Variants in GNG7 observed in about 807,000 individuals in gnomAD.
The protein encoded by GNG7 is guanine nucleotide-binding protein G(I)/G(S)/G(O) subunit gamma-7.
GNG7 carries 1 observed loss-of-function variant against 4.0 expected under a neutral mutation model. The ratio of observed to expected loss-of-function variants is 0.25; its 90% CI spans 0.09 to 1.18. The LOEUF (loss-of-function observed/expected upper bound fraction) is 1.18, where lower values mean the gene tolerates loss of function less well. Ranked by LOEUF, GNG7 falls within the 50% of genes most tolerant of loss-of-function variation. The pLI, the probability that GNG7 is intolerant of heterozygous loss-of-function variation, is 0.50. For synonymous variants in GNG7, 34 were observed against 36.9 expected, an observed-to-expected ratio of 0.92 and a Z score of 0.29; for missense variants, 86 against 91.9, an observed-to-expected ratio of 0.94 and a Z score of 0.26.
intron 2 of GNG7, among the ~76,000 whole-genome samples, chr19:2,613,056 T>C (rs8104430): frequency 0.21 from 32,041 of 151,944 alleles, 6,137 homozygotes; most frequent in African/African-American, 0.51. Flanking sequence ...AGGCCCTGAG[T>C]GTCCCAACAT....
intron 2 of GNG7, among the ~76,000 whole-genome samples, chr19:2,562,763 T>C (rs1979783125): frequency 6.6e-6 from 1 of 152,076 alleles, no homozygotes; most frequent in African/African-American, 2.4e-5. Context: ...TCTGCGTCCA[T>C]AATCCTCTGC....
chr19:2,595,793 T>C (rs1418389927), intron 2 of GNG7, among the ~76,000 whole-genome samples: 2 of 151,282 alleles, frequency 1.3e-5, no homozygotes, highest in African/African-American at 2.4e-5. Context: ...GGACCGCCAA[T>C]GTACAATGCA....
At position 2,553,383 on chromosome 19, in the gene GNG7, C is replaced by CATATATATATATATATATATAT. The variant is rs200287140; in HGVS notation, c.-38+1765_-38+1766insATATATATATATATATATATAT. On this transcript the variant is annotated intron_variant, in intron 3 of 4. Transcript: ENST00000382159. ...ACTGACATGCCAGCATGGTGCTGAGCATATATATATATACATATATATATG... is the reference window on the plus strand; with the variant it reads ...ACTGACATGCCAGCATGGTGCTGAGCATATATATATATATATATATATATATATATATATACATATATATATG... Among the ~76,000 whole-genome samples the CATATATATATATATATATATAT allele has an allele frequency of 1.9e-3, 238 of 127,606 alleles. 2 individuals are homozygous for CATATATATATATATATATATAT. Among genetic ancestry groups the CATATATATATATATATATATAT allele is most frequent in the East Asian group, 9.5e-3 (41 of 4,324 alleles). The allele number at this position is 127,606 out of a possible 152,430, so 83.7% of individuals were successfully genotyped here. A position where few individuals can be genotyped will look rare whatever the true frequency, so the allele number is the denominator to read the frequency against.
chr19:2,626,564 C>G lies in GNG7; in HGVS notation c.-78+19660G>C, dbSNP rs113829780. 2.6e-5 allele frequency among the ~76,000 whole-genome samples: 4 copies of G among 152,290 alleles called. No individual in the cohort carries two copies. Among genetic ancestry groups the G allele is most frequent in the African/African-American group, 9.6e-5 (4 of 41,566 alleles). ...CACCCCACCTGTCACCTTCAGGGCA[C>G]TAGCAACACTCAACTCATGTCACTT... On this transcript the variant is annotated intron_variant, in intron 2 of 4. Coordinates refer to ENST00000382159, the MANE Select transcript of GNG7 (RefSeq NM_052847.3). The surrounding 1 kb of genome is among the most constrained non-coding windows in gnomAD (Gnocchi z 5.0).
chr19:2,570,057 G>T (rs1170162922), intron 2 of GNG7, among the ~76,000 whole-genome samples: 1 of 148,970 alleles, frequency 6.7e-6, no homozygotes, highest in Non-Finnish European at 1.5e-5. Flanking sequence ...GGCGGGAGGG[G>T]GGTCCCTCAT....
intron 2 of GNG7, among the ~76,000 whole-genome samples, chr19:2,585,034 C>CGGAG (rs1414742039): frequency 1.3e-4 from 2 of 15,306 alleles, no homozygotes; most frequent in African/African-American, 4.6e-4. Flanking sequence ...GAGGGAGGGA[C>CGGAG]GGAGGGAGGG....
At chr19:2,587,689 G>A (rs1033184804) in intron 2 of GNG7, among the ~76,000 whole-genome samples, 1 of 152,116 alleles carries the variant, frequency 6.6e-6, no homozygotes, top group African/African-American at 2.4e-5. Flanking sequence ...GACCGTGGAA[G>A]CATGGAAGGG....
intron 3 of GNG7, among the ~76,000 whole-genome samples, chr19:2,529,648 T>C (rs907011829): frequency 9.9e-5 from 15 of 152,220 alleles, no homozygotes; most frequent in African/African-American, 3.4e-4. Context: ...TGACCAGTCA[T>C]GCTTAGATCA....
chr19:2,602,919 T>TTCTTTCTTTC (rs1981252592), intron 2 of GNG7, among the ~76,000 whole-genome samples: 2 of 151,954 alleles, frequency 1.3e-5, no homozygotes, highest in African/African-American at 2.4e-5. Flanking sequence ...CTTTCTTTCT[T>TTCTTTCTTTC]TCTTTTTGTT....
chr19:2,692,205 C>T (rs902021533), intron 1 of GNG7, among the ~76,000 whole-genome samples: 6 of 152,226 alleles, frequency 3.9e-5, no homozygotes, highest in Non-Finnish European at 5.9e-5. Flanking sequence ...CCTTACTTTC[C>T]GACCACATTG....
intron 2 of GNG7, among the ~76,000 whole-genome samples, chr19:2,573,395 G>A (rs1401118588): frequency 2.6e-5 from 4 of 152,170 alleles, no homozygotes; most frequent in African/African-American, 9.7e-5. Context: ...TTTCTGCACT[G>A]ATGGAGGAGG....
At position 2,614,266 on chromosome 19, in the gene GNG7, C is replaced by T. The variant is rs1205825640; in HGVS notation, c.-78+31958G>A. Among the ~76,000 whole-genome samples the T allele has an allele frequency of 1.3e-5, 2 of 152,216 alleles. No homozygotes were observed. Among genetic ancestry groups the T allele is most frequent in the Non-Finnish European group, 2.9e-5 (2 of 68,024 alleles). ...TTCCCTAGCACCCTCTCCCTGCCCT[C>T]TGTGTACCCGCAGGGGGGCCCTGCA... On this transcript the variant is annotated intron_variant, in intron 2 of 4. Coordinates refer to ENST00000382159, the MANE Select transcript of GNG7 (RefSeq NM_052847.3). The surrounding 1 kb of genome is among the most constrained non-coding windows in gnomAD (Gnocchi z 6.0).
chr19:2,512,154 C>A lies in GNG7; in HGVS notation c.*2868G>T, dbSNP rs1050449841. On this transcript the variant is annotated 3_prime_UTR_variant, in exon 5 of 5. Transcript: ENST00000382159. The surrounding 1 kb of genome is among the most constrained non-coding windows in gnomAD (Gnocchi z 4.7). ...CGTAGCTGAGAGAGGCTTGTCCCCCCAAGGCTAGAGCTGCTGCTGCCACCC... is the reference window on the plus strand; with the variant it reads ...CGTAGCTGAGAGAGGCTTGTCCCCCAAAGGCTAGAGCTGCTGCTGCCACCC... The A allele has an allele frequency of 1.0e-6, 1 of 985,854 alleles. No individual in the cohort carries two copies. Among genetic ancestry groups the A allele is most frequent in the Non-Finnish European group, 1.2e-6 (1 of 829,984 alleles). The allele number at this position is 985,854 out of a possible 1,614,324, so 61.1% of individuals were successfully genotyped here.
chr19:2,552,857 C>CT lies in GNG7; in HGVS notation c.-38+2291_-38+2292insA, dbSNP rs150374145. On this transcript the variant is annotated intron_variant, in intron 3 of 4. Transcript: ENST00000382159. Reference sequence around the variant, plus strand: ...AAACCATCCTCCCGGCTCCACCCCCCCCACCTCCCCACTGTCTGTGGAAAA... The same window carrying CT: ...AAACCATCCTCCCGGCTCCACCCCCCTCCACCTCCCCACTGTCTGTGGAAAA... Among the ~76,000 whole-genome samples the CT allele has an allele frequency of 1.2e-4, 17 of 147,730 alleles. 1 individual carries two copies. The highest frequency in any genetic ancestry group is 4.3e-4 in the African/African-American group (17 of 39,766).
At chr19:2,620,904 G>A (rs1294552202) in intron 2 of GNG7, among the ~76,000 whole-genome samples, 8 of 152,172 alleles carry the variant, frequency 5.3e-5, no homozygotes, top group Admixed American at 5.2e-4. Flanking sequence ...CTGTGACCTT[G>A]GGTTTCCCAG....
chr19:2,559,775 G>C (rs530240875), intron 2 of GNG7, among the ~76,000 whole-genome samples: 60 of 152,320 alleles, frequency 3.9e-4, no homozygotes, highest in Admixed American at 3.9e-3. Context: ...GCCTCCCAAA[G>C]TGCTGGGATT....
chr19:2,597,757 G>A (rs1260638113), intron 2 of GNG7, among the ~76,000 whole-genome samples: 3 of 151,236 alleles, frequency 2.0e-5, no homozygotes, highest in Non-Finnish European at 4.4e-5. Context: ...TTAGCCAGGC[G>A]TGGTGGCGGG....
intron 2 of GNG7, among the ~76,000 whole-genome samples, chr19:2,555,739 A>G (rs1979521545): frequency 6.6e-6 from 1 of 152,114 alleles, no homozygotes; most frequent in Admixed American, 6.5e-5. Flanking sequence ...CAGGAGGTCA[A>G]TAGGAAGGAA....
chr19:2,648,574 T>G (rs1982728325), intron 1 of GNG7, among the ~76,000 whole-genome samples: 1 of 152,218 alleles, frequency 6.6e-6, no homozygotes. Context: ...TTCTACGAGC[T>G]CAGGGTAATT....
Sources: allele counts gnomAD v4.1 joint callset (sites outside exome capture counted in the v4.1 genomes callset), GRCh38; gene constraint gnomAD v4.1.1; non-coding constraint Gnocchi (gnomAD v3.1); transcripts MANE v1.5; gene names NCBI Gene and HGNC (gene_info 2026-07-23, HGNC 2026-07-21).